SMAD3: variants seen among roughly 807,000 people sequenced by gnomAD.
SMAD3 encodes the protein SMAD family member 3, also known as MAD homolog 3.
Under a neutral mutation model 51.8 loss-of-function variants are expected in SMAD3, and 12 were observed. The ratio of observed to expected loss-of-function variants is 0.23; its 90% CI spans 0.15 to 0.38. SMAD3 has a LOEUF of 0.38. SMAD3 is among the 10% of genes least tolerant of loss of function. The pLI is 1.00. For missense variants in SMAD3, 294 were observed against 565.6 expected (o/e 0.52, Z 4.87); for synonymous variants, 238 against 227.7 (o/e 1.05, Z -0.41).
intron 6 of SMAD3, among the ~76,000 whole-genome samples, chr15:67,181,813 G>A (rs1963069649): frequency 6.8e-6 from 1 of 147,464 alleles, no homozygotes; most frequent in Admixed American, 6.8e-5. Context: ...TTTGGAGACA[G>A]AGTCTTGCTT....
chr15:67,070,617 G>A (rs910084335), intron 1 of SMAD3, among the ~76,000 whole-genome samples: 1 of 151,222 alleles, frequency 6.6e-6, no homozygotes, highest in African/African-American at 2.4e-5. Flanking sequence ...CATTATTTGA[G>A]TATCTAACTG....
At chr15:67,086,723 G>A (rs1960401066) in intron 1 of SMAD3, among the ~76,000 whole-genome samples, 1 of 152,122 alleles carries the variant, frequency 6.6e-6, no homozygotes, top group Non-Finnish European at 1.5e-5. Flanking sequence ...CCTGCCCTCA[G>A]GAACTATAGT....
chr15:67,164,184 G>T (rs1228605005), intron 1 of SMAD3, among the ~76,000 whole-genome samples: 1 of 150,678 alleles, frequency 6.6e-6, no homozygotes, highest in South Asian at 2.1e-4. Flanking sequence ...GCGTAGTGGC[G>T]GGTGCCTGTG....
chr15:67,161,197 A>G (rs1270955140), intron 1 of SMAD3, among the ~76,000 whole-genome samples: 2 of 152,192 alleles, frequency 1.3e-5, no homozygotes, highest in African/African-American at 4.8e-5. Flanking sequence ...TTGCTCCACT[A>G]AATTGTCTTT....
intron 1 of SMAD3, among the ~76,000 whole-genome samples, chr15:67,162,699 C>T (rs1022075646): frequency 5.3e-5 from 8 of 152,106 alleles, no homozygotes; most frequent in African/African-American, 1.9e-4. Flanking sequence ...TTCTTCCGAC[C>T]TCACCATGTT....
At chr15:67,166,905 G>C (rs1172201448) in intron 4 of SMAD3, 52 bp downstream of exon 4, 1 of 1,412,168 alleles carries the variant, frequency 7.1e-7, no homozygotes, top group East Asian at 2.5e-5. Flanking sequence ...CAGCTGGTGG[G>C]TTCATCCCTT....
intron 1 of SMAD3, among the ~76,000 whole-genome samples, chr15:67,110,007 C>T (rs1002755635): frequency 1.3e-5 from 2 of 152,208 alleles, no homozygotes; most frequent in African/African-American, 2.4e-5. Flanking sequence ...GTGATGTCCA[C>T]GCAGGCAAGA....
intron 1 of SMAD3, among the ~76,000 whole-genome samples, chr15:67,079,803 A>T (rs1484525483): frequency 6.6e-6 from 1 of 152,200 alleles, no homozygotes; most frequent in Non-Finnish European, 1.5e-5. Context: ...ATAGCCCCTC[A>T]AGAAAGGATG....
Position 67,190,958 on chromosome 15 carries a change from C to T in SMAD3, c.*422C>T, listed in dbSNP as rs781146835. 7 of 287,850 alleles carry T rather than the reference C, an allele frequency of 2.4e-5. No individual in the cohort carries two copies. Among genetic ancestry groups the T allele is most frequent in the Admixed American group, 1.8e-4 (4 of 21,752 alleles). 17.8% of individuals were successfully genotyped at this position (287,850 alleles called of 1,614,324 possible). ...AAGGGCGTTCTAGGTAGGAAGAGCC[C>T]GCAGGGCCATGCAGACCTCATGCCC... On this transcript the variant is annotated 3_prime_UTR_variant, in exon 9 of 9. Transcript: ENST00000327367.
chr15:67,127,767 T>C (rs1191366809), intron 1 of SMAD3, among the ~76,000 whole-genome samples: 1 of 152,220 alleles, frequency 6.6e-6, no homozygotes, highest in Non-Finnish European at 1.5e-5. Context: ...ATGGTCAGTC[T>C]ATTCTGTGTC....
intron 8 of SMAD3, among the ~76,000 whole-genome samples, chr15:67,188,335 A>G (rs1963277386): frequency 6.6e-6 from 1 of 151,538 alleles, no homozygotes; most frequent in African/African-American, 2.4e-5. Flanking sequence ...AGGGGGTTTC[A>G]CCATGTTGCC....
intron 1 of SMAD3, among the ~76,000 whole-genome samples, chr15:67,154,466 G>C (rs1962229284): frequency 1.3e-5 from 2 of 152,180 alleles, no homozygotes; most frequent in Admixed American, 6.5e-5. Context: ...AGGAAACTCA[G>C]CTACAGGCAG....
At chr15:67,125,989 G>A in intron 1 of SMAD3, 1 of 985,538 alleles carries the variant, frequency 1.0e-6, no homozygotes, top group Non-Finnish European at 1.2e-6. Flanking sequence ...GTTTGAGTAA[G>A]AGTTATCTTA....
At chr15:67,157,674 G>T (rs747162099) in intron 1 of SMAD3, among the ~76,000 whole-genome samples, 1 of 152,214 alleles carries the variant, frequency 6.6e-6, no homozygotes, top group East Asian at 1.9e-4. Flanking sequence ...AAGTGCAGAC[G>T]TGAGTAGCAC....
intron 1 of SMAD3, among the ~76,000 whole-genome samples, chr15:67,102,048 G>C (rs1031935813): frequency 9.9e-5 from 15 of 152,178 alleles, no homozygotes; most frequent in Non-Finnish European, 1.5e-4. Context: ...CATCAAATCG[G>C]ATTATGAGGC....
chr15:67,099,162 T>C, intron 1 of SMAD3: 1 of 631,266 alleles, frequency 1.6e-6, no homozygotes, highest in Non-Finnish European at 2.9e-6. Context: ...TTGTTCACAG[T>C]CACAGGGCTG....
intron 5 of SMAD3, among the ~76,000 whole-genome samples, chr15:67,173,476 A>G (rs143616785): frequency 1.5e-3 from 234 of 152,278 alleles, no homozygotes; most frequent in African/African-American, 5.3e-3. Context: ...TTGCAGGTCC[A>G]AGGGCATTAT....
At chr15:67,126,077 C>A in intron 1 of SMAD3, 6 of 571,146 alleles carry the variant, frequency 1.1e-5, no homozygotes, top group Non-Finnish European at 1.3e-5. Context: ...CTCCCTGAGT[C>A]CTTAGGGAAT....
In SMAD3 at chr15:67,194,399, T is replaced by A. The variant is rs1595970235; in HGVS notation, c.*3863T>A. The A allele has an allele frequency of 4.3e-6, 1 of 233,322 alleles. No individual in the cohort carries two copies. The highest frequency in any genetic ancestry group is 6.0e-5 in the East Asian group (1 of 16,724). 14.5% of individuals were successfully genotyped at this position (233,322 alleles called of 1,614,324 possible). On this transcript the variant is annotated 3_prime_UTR_variant, in exon 9 of 9. Transcript: ENST00000327367. The stretch of plus-strand genomic sequence containing the variant: ...TGGGGAGGTGATGGTGGGGAGATGA[T>A]GGGCTAAACAGGCAACTTTTCAAAA...
Sources: gnomAD v4.1 joint callset for allele counts (sites outside exome capture counted in the v4.1 genomes callset) on GRCh38, gnomAD v4.1.1 for gene constraint, MANE v1.5 for transcripts, NCBI Gene and HGNC (gene_info 2026-07-23, HGNC 2026-07-21) for gene names.